Variants in NLRP5 observed in about 807,000 individuals in gnomAD.
NLRP5 encodes NLR family pyrin domain containing 5.
Under a neutral mutation model 113.1 loss-of-function variants are expected in NLRP5, and 93 were observed. That is an observed-to-expected ratio of 0.82 (90% CI 0.70 to 0.98). The LOEUF (loss-of-function observed/expected upper bound fraction) is 0.98, where lower values mean the gene tolerates loss of function less well. Ranked by LOEUF, NLRP5 falls within the 50% of genes least tolerant of loss-of-function variation. NLRP5 has a pLI of 0.00. For missense variants in NLRP5, 1,808 were observed against 1,514.3 expected, an observed-to-expected ratio of 1.19 and a Z score of -3.22; for synonymous variants, 751 against 600.7, an observed-to-expected ratio of 1.25 and a Z score of -3.66.
chr19:56,060,725 T>G (rs1035622517), intron 14 of NLRP5, among the ~76,000 whole-genome samples: 1 of 152,050 alleles, frequency 6.6e-6, no homozygotes, highest in Non-Finnish European at 1.5e-5. Flanking sequence ...CAAGTTTTTT[T>G]ACATGCAGAG....
Position 56,027,975 on chromosome 19 carries a change from C to T in NLRP5, c.1742C>T (p.Thr581Ile), listed in dbSNP as rs1454274302. 1.2e-6 allele frequency: 2 copies of T among 1,613,862 alleles called. No homozygotes were observed. Among genetic ancestry groups the T allele is most frequent in the African/African-American group, 2.7e-5 (2 of 74,936 alleles). Residue 581 changes from threonine (T) to isoleucine (I), a missense_variant, in exon 7 of 15, where the codon ACC becomes ATC. Transcript: ENST00000390649. ...GACAGCCACTGTGAGGAGTACTACA[C>T]CTTCTTCCACCTCAGTCTCCAGGAC...
Position 56,061,617 on chromosome 19 carries a change from C to G in NLRP5, c.*89C>G. ...GAGCAAGCTATGCACCTGGGAGTTC[C>G]TTCTCAAAGATGGAGAATGATTTCT... On this transcript the variant is annotated 3_prime_UTR_variant, in exon 15 of 15. Transcript: ENST00000390649. 1 of 1,379,150 alleles carries G rather than the reference C, an allele frequency of 7.3e-7. No individual in the cohort carries two copies. Among genetic ancestry groups the G allele is most frequent in the Non-Finnish European group, 1.0e-6 (1 of 983,118 alleles). 85.4% of individuals were successfully genotyped at this position (1,379,150 alleles called of 1,614,324 possible). A position where few individuals can be genotyped will look rare whatever the true frequency, so the allele number is the denominator to read the frequency against.
chr19:56,039,902 A>C (rs1020998107), intron 10 of NLRP5, among the ~76,000 whole-genome samples: 4 of 151,994 alleles, frequency 2.6e-5, no homozygotes, highest in African/African-American at 9.7e-5. Flanking sequence ...CAACAAGCGC[A>C]AAACTCCATC....
chr19:55,995,585 T>C (rs1981298663), upstream of NLRP5, among the ~76,000 whole-genome samples: 1 of 152,198 alleles, frequency 6.6e-6, no homozygotes, highest in Non-Finnish European at 1.5e-5. Flanking sequence ...TCTTTTGTGG[T>C]TCTATACAAA....
At position 56,053,674 on chromosome 19, in the gene NLRP5, G is replaced by A. The variant is rs375036923; in HGVS notation, c.3165G>A (p.Glu1055=). Residue 1055 remains glutamate (E), a synonymous_variant, in exon 13 of 15, where the codon GAG becomes GAA. Transcript: ENST00000390649. Reference sequence around the variant, plus strand: ...GTCATCTCACCGCCGCGTGCTGTGAGAGTCTGTCCTGTGTGATCTCGAGGA... The same window carrying A: ...GTCATCTCACCGCCGCGTGCTGTGAAAGTCTGTCCTGTGTGATCTCGAGGA... 1.9e-6 allele frequency: 3 copies of A among 1,613,856 alleles called. No homozygotes were observed. The highest frequency in any genetic ancestry group is 2.7e-5 in the African/African-American group (2 of 74,910).
At chr19:56,011,916 T>C (rs1466488935) in intron 3 of NLRP5, among the ~76,000 whole-genome samples, 1 of 151,994 alleles carries the variant, frequency 6.6e-6, no homozygotes, top group Non-Finnish European at 1.5e-5. Flanking sequence ...GGCCTAGAAT[T>C]CCTGACCTCA....
rs570404613 is a variant in NLRP5, at chr19:56,061,353, G to C, written c.3471-43G>C. On this transcript the variant is annotated intron_variant, in intron 14 of 14. Coordinates refer to ENST00000390649, the MANE Select transcript of NLRP5 (RefSeq NM_153447.4). ...GAATTTTGAAGAAGGGAGAAGAGTC[G>C]AAAGCAACATCTCAGTAACGAGTCC... The C allele has an allele frequency of 4.4e-6, 7 of 1,597,722 alleles. No individual in the cohort carries two copies. The East Asian group carries it at 1.6e-4, about 36-fold the overall frequency.
intron 11 of NLRP5, among the ~76,000 whole-genome samples, chr19:56,044,263 T>C (rs972333748): frequency 6.6e-6 from 1 of 151,580 alleles, no homozygotes; most frequent in Non-Finnish European, 1.5e-5. Context: ...GGGGTTTCAC[T>C]GTGTTAGCCA....
the NLRP5 span, among the ~76,000 whole-genome samples, chr19:55,991,797 T>C: frequency 6.6e-6 from 1 of 152,208 alleles, no homozygotes; most frequent in East Asian, 1.9e-4. Flanking sequence ...TAAATATAAA[T>C]AATAGTGGAA....
intron 7 of NLRP5, among the ~76,000 whole-genome samples, chr19:56,030,003 C>T (rs1290343281): frequency 1.3e-5 from 2 of 150,732 alleles, no homozygotes; most frequent in Admixed American, 1.3e-4. Flanking sequence ...TGCAGTGAGC[C>T]GAGATCACGC....
At chr19:55,990,116 G>T in the NLRP5 span, among the ~76,000 whole-genome samples, 2 of 84,948 alleles carry the variant, frequency 2.4e-5, no homozygotes, top group Non-Finnish European at 2.2e-5. Context: ...TTGAGACAGT[G>T]TCTTACTCTA....
chr19:55,997,428 CCTTTTCTGGTTT>C (rs1981359708), upstream of NLRP5, among the ~76,000 whole-genome samples: 2 of 151,958 alleles, frequency 1.3e-5, no homozygotes, highest in Non-Finnish European at 2.9e-5. Context: ...TTTTGTGTGT[CCTTTTCTGGTTT>C]TGGTATCAGG....
chr19:55,991,899 A>G, the NLRP5 span, among the ~76,000 whole-genome samples: 2 of 151,844 alleles, frequency 1.3e-5, no homozygotes, highest in Admixed American at 6.6e-5. Context: ...TTGGGGGTAC[A>G]TGTGAAGGTT....
intron 9 of NLRP5, among the ~76,000 whole-genome samples, chr19:56,037,470 G>A (rs944430965): frequency 1.3e-5 from 2 of 152,038 alleles, no homozygotes; most frequent in Non-Finnish European, 2.9e-5. Context: ...CAAGGCGGGT[G>A]GAGCACAAGG....
intron 6 of NLRP5, 134 bp downstream of exon 6, chr19:56,020,565 C>G: frequency 2.1e-6 from 2 of 972,580 alleles, no homozygotes; most frequent in South Asian, 3.2e-5. Flanking sequence ...TGGTGTCAAC[C>G]CCTTCCCTTC....
chr19:56,034,430 A>G (rs1395643013), intron 9 of NLRP5, among the ~76,000 whole-genome samples: 2 of 152,224 alleles, frequency 1.3e-5, no homozygotes, highest in Non-Finnish European at 2.9e-5. Context: ...CCAGTGGTTA[A>G]TCTTACATAC....
chr19:56,039,132 G>C (rs1261845373), intron 10 of NLRP5, among the ~76,000 whole-genome samples: 1 of 145,302 alleles, frequency 6.9e-6, no homozygotes, highest in Non-Finnish European at 1.5e-5. Flanking sequence ...TACGGAGCAG[G>C]TGCTGTTGAT....
chr19:56,058,223 G>A lies in NLRP5; in HGVS notation c.3300-17G>A. ...ATCGATCTTTGGGGTTATTTTCTGG[G>A]TGTCCTGACCCTGCAGGTTGAAGGC... On this transcript the variant is annotated splice_polypyrimidine_tract_variant and intron_variant, in intron 13 of 14. Transcript: ENST00000390649. 6.3e-7 allele frequency: 1 copy of A among 1,597,214 alleles called. No individual in the cohort carries two copies. The highest frequency in any genetic ancestry group is 1.7e-5 in the Admixed American group (1 of 57,146).
intron 7 of NLRP5, among the ~76,000 whole-genome samples, chr19:56,030,802 C>T (rs557592942): frequency 6.9e-6 from 1 of 144,344 alleles, no homozygotes; most frequent in Non-Finnish European, 1.5e-5. Context: ...GCAACCTCCA[C>T]CTCCTGGGTT....
Sources: gnomAD v4.1 joint callset for allele counts (sites outside exome capture counted in the v4.1 genomes callset) on GRCh38, gnomAD v4.1.1 for gene constraint, MANE v1.5 for transcripts, NCBI Gene and HGNC (gene_info 2026-07-23, HGNC 2026-07-21) for gene names.